Variants in NTAQ1 observed in about 807,000 individuals in gnomAD.
NTAQ1 encodes the protein protein N-terminal glutamine amidohydrolase.
Under a neutral mutation model 28.2 loss-of-function variants are expected in NTAQ1, and 21 were observed. The observed-to-expected ratio is 0.74, with a 90% confidence interval of 0.53 to 1.07. NTAQ1 has a LOEUF of 1.07. Ranked by LOEUF, NTAQ1 falls within the 50% of genes least tolerant of loss-of-function variation. The probability of loss-of-function intolerance (pLI) is 0.00; values close to 1 mark genes in which losing one functional copy is unlikely to be tolerated. For synonymous variants in NTAQ1, 105 were observed against 90.0 expected (o/e 1.17, Z -0.94); for missense variants, 264 against 256.6 (o/e 1.03, Z -0.20).
intron 1 of NTAQ1, among the ~76,000 whole-genome samples, chr8:123,420,696 G>C (rs1813627278): frequency 6.8e-6 from 1 of 146,512 alleles, no homozygotes; most frequent in South Asian, 2.2e-4. Flanking sequence ...GGGCTTAAGT[G>C]ATCCTCTCAC....
At chr8:123,474,019 T>A (rs890455910), downstream of NTAQ1, among the ~76,000 whole-genome samples, 1 of 152,222 alleles carries the variant, frequency 6.6e-6, no homozygotes, top group Non-Finnish European at 1.5e-5. Flanking sequence ...TTTTAAAAAT[T>A]GAAATAATTT....
chr8:123,444,610 CATTCTCCTGCCTCAGCCTCCTGA>C, downstream of NTAQ1, among the ~76,000 whole-genome samples: 1 of 152,294 alleles, frequency 6.6e-6, no homozygotes, highest in Non-Finnish European at 1.5e-5. Context: ...GGGTTCACGC[CATTCTCCTGCCTCAGCCTCCTGA>C]GTAGCTGGGA....
chr8:123,468,273 C>T (rs1816003722), exon 7 of NTAQ1, among the ~76,000 whole-genome samples: 1 of 152,148 alleles, frequency 6.6e-6, no homozygotes, highest in Non-Finnish European at 1.5e-5. Context: ...TTAAAGTGTA[C>T]AGTAGTGTTA....
chr8:123,445,698 C>T (rs578057720), downstream of NTAQ1, among the ~76,000 whole-genome samples: 36 of 152,214 alleles, frequency 2.4e-4, no homozygotes, highest in South Asian at 1.5e-3. Context: ...CTCCGCCTCC[C>T]GGGTTGAAGT....
chr8:123,427,835 CTT>C, intron 1 of NTAQ1, 87 bp from the exon 2 acceptor site: 1 of 1,135,456 alleles, frequency 8.8e-7, no homozygotes, highest in Non-Finnish European at 1.3e-6. Flanking sequence ...TCTTTTCCAA[CTT>C]TTTGATGTCA....
intron 5 of NTAQ1, among the ~76,000 whole-genome samples, chr8:123,437,910 C>T (rs1814824550): frequency 6.6e-6 from 1 of 152,074 alleles, no homozygotes; most frequent in African/African-American, 2.4e-5. Context: ...GATGTAGCTA[C>T]TGCGGGGACA....
downstream of NTAQ1, among the ~76,000 whole-genome samples, chr8:123,473,283 T>C (rs1816059496): frequency 6.6e-6 from 1 of 151,532 alleles, no homozygotes; most frequent in South Asian, 2.1e-4. Flanking sequence ...TTAATTAATT[T>C]GTATTCTTGA....
intron 3 of NTAQ1, among the ~76,000 whole-genome samples, chr8:123,430,703 C>T (rs1814342923): frequency 6.6e-6 from 1 of 152,094 alleles, no homozygotes; most frequent in African/African-American, 2.4e-5. Flanking sequence ...ATTGCTTGAA[C>T]CCGGGAGGTG....
chr8:123,446,303 G>T (rs1330032190), downstream of NTAQ1, among the ~76,000 whole-genome samples: 1 of 152,182 alleles, frequency 6.6e-6, no homozygotes, highest in Non-Finnish European at 1.5e-5. Context: ...ACTGCAACTG[G>T]CCCATTCTCT....
At chr8:123,458,033 CAAAAAA>C (rs201846882) in intron 6 of NTAQ1, among the ~76,000 whole-genome samples, 2 of 85,400 alleles carry the variant, frequency 2.3e-5, no homozygotes, top group Non-Finnish European at 4.2e-5. Flanking sequence ...GACTCTGTCT[CAAAAAA>C]AAAAAAAAAA....
intron 5 of NTAQ1, among the ~76,000 whole-genome samples, chr8:123,440,039 C>CTT (rs909474113): frequency 1.5e-5 from 2 of 134,508 alleles, no homozygotes; most frequent in African/African-American, 2.8e-5. Flanking sequence ...GGAATTGACT[C>CTT]TTTTTTTTTT....
intron 6 of NTAQ1, among the ~76,000 whole-genome samples, chr8:123,456,658 T>C (rs1421759912): frequency 6.6e-6 from 1 of 152,232 alleles, no homozygotes; most frequent in Non-Finnish European, 1.5e-5. Context: ...TTATGCTTTA[T>C]ATATTTTTAA....
rs1813320614 is a variant in NTAQ1, at chr8:123,416,830, CCTGGCCCAGCTAGCCGGCCATGGAA to C, written c.-19_6del. On this transcript the variant is annotated start_lost and 5_prime_UTR_variant, in exon 1 of 6. Coordinates refer to ENST00000287387, the MANE Select transcript of NTAQ1 (RefSeq NM_018024.3). ...CAGTCGGTCTTCCTCCGGCCCGGGCCCTGGCCCAGCTAGCCGGCCATGGAAGGTAATGGCCCCGCTGCTGTCCACT... is the reference window on the plus strand; with the variant it reads ...CAGTCGGTCTTCCTCCGGCCCGGGCCGGTAATGGCCCCGCTGCTGTCCACT... The C allele has an allele frequency of 3.3e-6, 5 of 1,525,622 alleles. No individual in the cohort carries two copies. The highest frequency in any genetic ancestry group is 4.4e-6 in the Non-Finnish European group (5 of 1,137,480). 94.5% of individuals were successfully genotyped at this position (1,525,622 alleles called of 1,614,324 possible).
intron 1 of NTAQ1, among the ~76,000 whole-genome samples, chr8:123,417,802 G>A (rs1813397270): frequency 6.6e-6 from 1 of 151,972 alleles, no homozygotes; most frequent in East Asian, 1.9e-4. Flanking sequence ...CGATGTCCAG[G>A]AGGTACCTTC....
chr8:123,473,794 A>G (rs1816065300), downstream of NTAQ1, among the ~76,000 whole-genome samples: 1 of 152,212 alleles, frequency 6.6e-6, no homozygotes, highest in Admixed American at 6.5e-5. Context: ...CACTCACTAG[A>G]AATATCATCT....
At chr8:123,420,336 T>G (rs1325591649) in intron 1 of NTAQ1, among the ~76,000 whole-genome samples, 1 of 152,152 alleles carries the variant, frequency 6.6e-6, no homozygotes, top group Non-Finnish European at 1.5e-5. Context: ...GTGCCTAGGT[T>G]GATTCTACAT....
chr8:123,440,176 G>A (rs1406420786), intron 5 of NTAQ1, among the ~76,000 whole-genome samples: 1 of 57,948 alleles, frequency 1.7e-5, no homozygotes, highest in Admixed American at 1.7e-4. Context: ...TTTTTTTTGA[G>A]ACGGAGTCTT....
chr8:123,425,432 G>A (rs1328941492), intron 1 of NTAQ1, among the ~76,000 whole-genome samples: 1 of 151,068 alleles, frequency 6.6e-6, no homozygotes, highest in Non-Finnish European at 1.5e-5. Flanking sequence ...CATATCATAT[G>A]AAGTAGTCAG....
chr8:123,419,733 G>GCCCC (rs1469498585), intron 1 of NTAQ1, among the ~76,000 whole-genome samples: 1 of 71,240 alleles, frequency 1.4e-5, no homozygotes, highest in Non-Finnish European at 2.7e-5. Context: ...CAAATCCACA[G>GCCCC]CCCTCCCTCC....
Sources: gnomAD v4.1 joint callset for allele counts (sites outside exome capture counted in the v4.1 genomes callset) on GRCh38, gnomAD v4.1.1 for gene constraint, MANE v1.5 for transcripts, NCBI Gene and HGNC (gene_info 2026-07-23, HGNC 2026-07-21) for gene names.